The following PPP1R3A variants were observed in gnomAD, a reference collection of about 807,000 sequenced individuals.
PPP1R3A encodes protein phosphatase 1 regulatory subunit 3A, also known as RG1.
In PPP1R3A, 29 loss-of-function variants were observed where a neutral mutation model predicts 41.7. The observed-to-expected ratio is 0.70, with a 90% CI of 0.52 to 0.95. The LOEUF (loss-of-function observed/expected upper bound fraction) is 0.95, where lower values mean the gene tolerates loss of function less well. PPP1R3A is among the 40% of genes least tolerant of loss of function. The pLI, the probability that PPP1R3A is intolerant of heterozygous loss-of-function variation, is 0.00. For synonymous variants in PPP1R3A, 485 were observed against 453.4 expected (o/e 1.07, Z -0.89); for missense variants, 1,352 against 1,292.4 (o/e 1.05, Z -0.71).
chr7:113,913,482 A>G (rs1797286219), intron 1 of PPP1R3A, among the ~76,000 whole-genome samples: 1 of 152,160 alleles, frequency 6.6e-6, no homozygotes. Flanking sequence ...CAGTACAAAA[A>G]TTGAGGACTA....
At chr7:113,892,514 G>A (rs1439686286) in intron 1 of PPP1R3A, among the ~76,000 whole-genome samples, 4 of 152,032 alleles carry the variant, frequency 2.6e-5, no homozygotes, top group Admixed American at 6.6e-5. Context: ...TAATACATTA[G>A]CCAACTACTA....
At chr7:113,917,854 T>C (rs73435665) in intron 1 of PPP1R3A, among the ~76,000 whole-genome samples, 4,472 of 152,144 alleles carry the variant, frequency 0.029, 218 homozygotes, top group African/African-American at 0.099. Context: ...AGCATAGACA[T>C]TTAAAAACGA....
chr7:113,906,557 GC>G (rs1562925250), intron 1 of PPP1R3A, among the ~76,000 whole-genome samples: 1 of 151,748 alleles, frequency 6.6e-6, no homozygotes, highest in South Asian at 2.1e-4. Context: ...AAAGTAATTT[GC>G]CACTTGGAGA....
chr7:113,889,244 G>A (rs1382110386), intron 1 of PPP1R3A, among the ~76,000 whole-genome samples: 2 of 152,034 alleles, frequency 1.3e-5, no homozygotes, highest in Admixed American at 1.3e-4. Context: ...GCAATTCCTG[G>A]CCCCAAACCC....
At chr7:113,895,265 G>A (rs925642506) in intron 1 of PPP1R3A, among the ~76,000 whole-genome samples, 1 of 151,786 alleles carries the variant, frequency 6.6e-6, no homozygotes, top group Non-Finnish European at 1.5e-5. Context: ...GTGAAATGAT[G>A]CATAACTCAA....
chr7:113,882,225 A>C, intron 2 of PPP1R3A, 37 bp downstream of exon 2: 2 of 1,581,242 alleles, frequency 1.3e-6, no homozygotes, highest in Non-Finnish European at 1.7e-6. Context: ...TTCACAAAAG[A>C]GACAAATTTG....
intron 1 of PPP1R3A, among the ~76,000 whole-genome samples, chr7:113,914,253 G>A (rs1797302700): frequency 6.6e-6 from 1 of 152,058 alleles, no homozygotes; most frequent in South Asian, 2.1e-4. Flanking sequence ...TATTTGACAG[G>A]TGAATAAACT....
intron 1 of PPP1R3A, among the ~76,000 whole-genome samples, chr7:113,901,211 G>T (rs1361981655): frequency 6.6e-6 from 1 of 151,634 alleles, no homozygotes; most frequent in African/African-American, 2.4e-5. Context: ...ATTTCTGTGT[G>T]AAATAATCCA....
chr7:113,911,918 A>G (rs1584421262), intron 1 of PPP1R3A, among the ~76,000 whole-genome samples: 1 of 152,234 alleles, frequency 6.6e-6, no homozygotes, highest in Non-Finnish European at 1.5e-5. Flanking sequence ...ACAAAATGTC[A>G]GCAACTGGAA....
chr7:113,878,318 A>C lies in PPP1R3A; in HGVS notation c.2774T>G (p.Val925Gly). 1 of 1,613,180 alleles carries C rather than the reference A, an allele frequency of 6.2e-7. No individual in the cohort carries two copies. Among genetic ancestry groups the C allele is most frequent in the Middle Eastern group, 1.7e-4 (1 of 6,058 alleles). Residue 925 changes from valine to glycine, a missense_variant, in exon 4 of 4, where the codon GTG becomes GGG. Coordinates refer to ENST00000284601, the MANE Select transcript of PPP1R3A (RefSeq NM_002711.4). ...PFSKHHTEIS[V>G]STNEQAIAVE... is the part of the protein sequence containing the mutation. ...AGCAATTGCCTGCTCATTAGTTGAC[A>C]CTGAAATTTCAGTATGATGTTTGGA...
At position 113,879,438 on chromosome 7, in the gene PPP1R3A, C is replaced by T. The variant is rs1347161581; in HGVS notation, c.1654G>A (p.Val552Met). Reference protein sequence around the residue: ...ERKMGNPKISVAGIGASNRDL... With the variant: ...ERKMGNPKISMAGIGASNRDL... ...CTGTTACTAGCTCCAATCCCTGCCA[C>T]ACTTATTTTAGGGTTACCCATCTTC... The change falls in exon 4 of 4, where the codon GTG (valine) becomes ATG (methionine). Residue 552 changes from valine to methionine, a missense_variant. Physicochemically the swap from Val to Met is conservative, Grantham distance 21. Coordinates refer to ENST00000284601, the MANE Select transcript of PPP1R3A (RefSeq NM_002711.4). 1 of 1,613,532 alleles carries T rather than the reference C, an allele frequency of 6.2e-7. No individual in the cohort carries two copies. Among genetic ancestry groups the T allele is most frequent in the Admixed American group, 1.7e-5 (1 of 59,866 alleles).
chr7:113,883,114 AG>A (rs1167076825), intron 1 of PPP1R3A, among the ~76,000 whole-genome samples: 1 of 152,046 alleles, frequency 6.6e-6, no homozygotes, highest in Non-Finnish European at 1.5e-5. Flanking sequence ...ATTAGAATTT[AG>A]ATTTGTCCAT....
rs1162345042 is a variant in PPP1R3A, at chr7:113,878,275, A to T, written c.2817T>A (p.Thr939=). ...EQAIAVENAV[T]TMASQPISTK... The stretch of plus-strand genomic sequence containing the variant: ...TAGAAATAGGTTGGCTAGCCATGGT[A>T]GTAACTGCATTCTCTACAGCAATTG... The change falls in exon 4 of 4, where the codon ACT becomes ACA. Residue 939 remains threonine, a synonymous_variant. Coordinates refer to ENST00000284601, the MANE Select transcript of PPP1R3A (RefSeq NM_002711.4). 2 of 1,613,182 alleles carry T rather than the reference A, an allele frequency of 1.2e-6. No individual in the cohort carries two copies. Among genetic ancestry groups the T allele is most frequent in the Non-Finnish European group, 1.7e-6 (2 of 1,179,526 alleles).
At chr7:113,883,761 A>T (rs1796736046) in intron 1 of PPP1R3A, among the ~76,000 whole-genome samples, 1 of 151,974 alleles carries the variant, frequency 6.6e-6, no homozygotes, top group East Asian at 1.9e-4. Flanking sequence ...CTCTATTCCC[A>T]TACAATACTG....
Position 113,878,768 on chromosome 7 carries a change from G to T in PPP1R3A, c.2324C>A (p.Pro775Gln), listed in dbSNP as rs772938954. Residue 775 changes from proline (P) to glutamine (Q), a missense_variant, in exon 4 of 4, where the codon CCA (proline) becomes CAA (glutamine). By Grantham distance (76) the Pro-to-Gln change is moderately conservative (BLOSUM62 -1). Coordinates refer to ENST00000284601, the MANE Select transcript of PPP1R3A (RefSeq NM_002711.4). Reference protein sequence around the residue: ...PIEVKETAFDPHEGRNDDSHY... With the variant: ...PIEVKETAFDQHEGRNDDSHY... Reference sequence around the variant, plus strand: ...TGAATCATCATTTCTCCCTTCATGTGGATCAAACGCTGTTTCCTTTACCTC... The same window carrying T: ...TGAATCATCATTTCTCCCTTCATGTTGATCAAACGCTGTTTCCTTTACCTC... 3 of 1,613,346 alleles carry T rather than the reference G, an allele frequency of 1.9e-6. No individual in the cohort carries two copies. The highest frequency in any genetic ancestry group is 2.5e-6 in the Non-Finnish European group (3 of 1,179,716).
intron 1 of PPP1R3A, among the ~76,000 whole-genome samples, chr7:113,895,837 A>T: frequency 6.6e-6 from 1 of 151,966 alleles, no homozygotes; most frequent in East Asian, 1.9e-4. Flanking sequence ...GTAAGTCTTA[A>T]AGCATTATTT....
chr7:113,912,049 G>C (rs1370494011), intron 1 of PPP1R3A, among the ~76,000 whole-genome samples: 1 of 152,078 alleles, frequency 6.6e-6, no homozygotes, highest in African/African-American at 2.4e-5. Context: ...AAGTCAAGCA[G>C]ATAGTAATTA....
At chr7:113,884,708 A>C (rs2129114896) in intron 1 of PPP1R3A, among the ~76,000 whole-genome samples, 1 of 152,268 alleles carries the variant, frequency 6.6e-6, no homozygotes, top group Non-Finnish European at 1.5e-5. Flanking sequence ...AACTGTAGTA[A>C]AATTTAAAAT....
In PPP1R3A at chr7:113,878,065, C is replaced by A. The variant is rs2129112463; in HGVS notation, c.3027G>T (p.Gly1009=). Residue 1009 remains glycine (G), a synonymous_variant, in exon 4 of 4, where the codon GGG becomes GGT. Transcript: ENST00000284601. ...TEEYSVEKSL[G]PMILINKPLE... The stretch of plus-strand genomic sequence containing the variant: ...GAGGTTTGTTGATTAAAATCATTGG[C>A]CCTAGAGATTTTTCCACACTATACT... 2 of 1,613,178 alleles carry A rather than the reference C, an allele frequency of 1.2e-6. No individual in the cohort carries two copies. The highest frequency in any genetic ancestry group is 2.2e-5 in the East Asian group (1 of 44,812).
Sources: allele counts gnomAD v4.1 joint callset (sites outside exome capture counted in the v4.1 genomes callset), GRCh38; gene constraint gnomAD v4.1.1; transcripts MANE v1.5; gene names NCBI Gene and HGNC (gene_info 2026-07-23, HGNC 2026-07-21).